CAPZB: variants seen among roughly 807,000 people sequenced by gnomAD.
The protein encoded by CAPZB is F-actin-capping protein subunit beta.
Under a neutral mutation model 38.1 loss-of-function variants are expected in CAPZB, and 2 were observed. The ratio of observed to expected loss-of-function variants is 0.05; its 90% CI spans 0.02 to 0.17. The LOEUF is 0.17. Ranked by LOEUF, CAPZB falls within the 10% of genes least tolerant of loss-of-function variation. The pLI, the probability that CAPZB is intolerant of heterozygous loss-of-function variation, is 1.00. For synonymous variants in CAPZB, 107 were observed against 127.4 expected, an observed-to-expected ratio of 0.84 and a Z score of 1.08; for missense variants, 161 against 334.2, an observed-to-expected ratio of 0.48 and a Z score of 4.04.
rs79120044 is a variant in CAPZB, at chr1:19,399,821, A to C, written c.94-14195T>G. Among the ~76,000 whole-genome samples, 116 of 152,328 alleles carry C rather than the reference A, an allele frequency of 7.6e-4. 2 individuals are homozygous for C. The East Asian group carries it at 0.021, about 27-fold the overall frequency. On this transcript the variant is annotated intron_variant, in intron 2 of 8. Transcript: ENST00000264202. ...CGGTAAGGTTCATTTTAGTGTTGACATCCTACGAAGTTTCATAGTTCAAGA... is the reference window on the plus strand; with the variant it reads ...CGGTAAGGTTCATTTTAGTGTTGACCTCCTACGAAGTTTCATAGTTCAAGA...
chr1:19,447,074 A>G (rs1459112611), intron 1 of CAPZB, among the ~76,000 whole-genome samples: 1 of 152,136 alleles, frequency 6.6e-6, no homozygotes, highest in Non-Finnish European at 1.5e-5. Flanking sequence ...GACACCTGCC[A>G]CACTCAAGAT....
chr1:19,433,351 A>G (rs2094448435), intron 1 of CAPZB, among the ~76,000 whole-genome samples: 2 of 152,228 alleles, frequency 1.3e-5, no homozygotes, highest in Non-Finnish European at 2.9e-5. Flanking sequence ...ATAACAGTTA[A>G]AAGAAAAAAC....
At chr1:19,430,640 T>C (rs1171064130) in intron 1 of CAPZB, among the ~76,000 whole-genome samples, 2 of 152,096 alleles carry the variant, frequency 1.3e-5, no homozygotes, top group African/African-American at 4.8e-5. Flanking sequence ...CTATTTCCCC[T>C]TTAAGGCATA....
chr1:19,419,829 G>A (rs1001552738), intron 1 of CAPZB, 79 bp from the exon 2 acceptor site: 1 of 871,650 alleles, frequency 1.1e-6, no homozygotes, highest in Non-Finnish European at 1.8e-6. Context: ...AAGCATGCTT[G>A]CCCAAGGCAT....
At chr1:19,373,322 G>A (rs536572661) in intron 4 of CAPZB, among the ~76,000 whole-genome samples, 57 of 152,306 alleles carry the variant, frequency 3.7e-4, no homozygotes, top group African/African-American at 1.3e-3. Context: ...GAGAGGGGCT[G>A]CCACATCTCC....
intron 4 of CAPZB, among the ~76,000 whole-genome samples, chr1:19,359,911 T>C (rs981020232): frequency 6.6e-6 from 1 of 152,162 alleles, no homozygotes; most frequent in African/African-American, 2.4e-5. Flanking sequence ...TGCTCCAAAG[T>C]CCCCATTCTT....
intron 8 of CAPZB, among the ~76,000 whole-genome samples, chr1:19,340,760 G>A (rs182787913): frequency 1.3e-5 from 2 of 152,276 alleles, no homozygotes; most frequent in East Asian, 3.9e-4. Context: ...TCAGAGGAAT[G>A]CCCCCCTAGC....
chr1:19,409,035 G>C (rs1462718642), intron 2 of CAPZB, among the ~76,000 whole-genome samples: 2 of 152,152 alleles, frequency 1.3e-5, no homozygotes, highest in African/African-American at 4.8e-5. Context: ...TGTCAAAAAA[G>C]GGTGTAGAAT....
At chr1:19,414,016 G>A (rs1364005692) in intron 2 of CAPZB, among the ~76,000 whole-genome samples, 2 of 152,204 alleles carry the variant, frequency 1.3e-5, no homozygotes, top group East Asian at 1.9e-4. Flanking sequence ...TTGACTAATA[G>A]TATCATCCTT....
At chr1:19,347,825 G>C (rs2093970240) in intron 6 of CAPZB, among the ~76,000 whole-genome samples, 1 of 152,120 alleles carries the variant, frequency 6.6e-6, no homozygotes, top group Non-Finnish European at 1.5e-5. Context: ...TTAAACCCAA[G>C]GAAACCGAAG....
At chr1:19,432,114 T>C (rs963059689) in intron 1 of CAPZB, among the ~76,000 whole-genome samples, 1 of 151,540 alleles carries the variant, frequency 6.6e-6, no homozygotes, top group Non-Finnish European at 1.5e-5. Flanking sequence ...AATTCTACAT[T>C]ATTAGCATTA....
chr1:19,408,310 C>G (rs1422196145), intron 2 of CAPZB, among the ~76,000 whole-genome samples: 2 of 152,238 alleles, frequency 1.3e-5, no homozygotes, highest in African/African-American at 4.8e-5. Context: ...TGCCTGTCTT[C>G]CACTCACATC....
intron 1 of CAPZB, among the ~76,000 whole-genome samples, chr1:19,446,770 G>C (rs1177915196): frequency 6.6e-6 from 1 of 152,180 alleles, no homozygotes; most frequent in Non-Finnish European, 1.5e-5. Context: ...TATCAAGTGA[G>C]TAAAAAAATG....
At chr1:19,417,088 G>C (rs945767933) in intron 2 of CAPZB, among the ~76,000 whole-genome samples, 4 of 151,946 alleles carry the variant, frequency 2.6e-5, no homozygotes, top group Non-Finnish European at 5.9e-5. Flanking sequence ...TTTCCCTGTT[G>C]AGCCCAGGGA....
intron 1 of CAPZB, among the ~76,000 whole-genome samples, chr1:19,482,834 T>C (rs2094634576): frequency 1.3e-5 from 2 of 152,050 alleles, no homozygotes; most frequent in South Asian, 4.1e-4. Flanking sequence ...CCACCACTTC[T>C]GTCCTACGCC....
At chr1:19,380,572 C>T (rs1306988909) in intron 3 of CAPZB, among the ~76,000 whole-genome samples, 1 of 152,238 alleles carries the variant, frequency 6.6e-6, no homozygotes, top group Non-Finnish European at 1.5e-5. Context: ...GTCGCTCCTC[C>T]CTCTGAAACG....
At chr1:19,449,958 A>G (rs2094509201) in intron 1 of CAPZB, among the ~76,000 whole-genome samples, 1 of 151,864 alleles carries the variant, frequency 6.6e-6, no homozygotes, top group South Asian at 2.1e-4. Context: ...CCTGGGCAAC[A>G]TAAGGAGACT....
At chr1:19,352,666 T>G (rs998902616) in intron 6 of CAPZB, among the ~76,000 whole-genome samples, 1 of 152,264 alleles carries the variant, frequency 6.6e-6, no homozygotes, top group Non-Finnish European at 1.5e-5. Context: ...CAGGAAGGTA[T>G]GATCCGGCCG....
chr1:19,354,321 T>C (rs1420574671), intron 6 of CAPZB, among the ~76,000 whole-genome samples: 7 of 152,148 alleles, frequency 4.6e-5, no homozygotes, highest in Admixed American at 4.6e-4. Flanking sequence ...CACAGGCGTT[T>C]TTCCAAGGCT....
Sources: gnomAD v4.1 joint callset for allele counts (sites outside exome capture counted in the v4.1 genomes callset) on GRCh38, gnomAD v4.1.1 for gene constraint, MANE v1.5 for transcripts, NCBI Gene and HGNC (gene_info 2026-07-23, HGNC 2026-07-21) for gene names.